CACNA2D3: variants seen among roughly 807,000 people sequenced by gnomAD.
The protein encoded by CACNA2D3 is calcium voltage-gated channel auxiliary subunit alpha2delta 3.
Under a neutral mutation model 160.6 loss-of-function variants are expected in CACNA2D3, and 60 were observed. That is an observed-to-expected ratio of 0.37 (90% CI 0.30 to 0.46). The LOEUF (loss-of-function observed/expected upper bound fraction) is 0.46, where lower values mean the gene tolerates loss of function less well. Ranked by LOEUF, CACNA2D3 falls within the 20% of genes least tolerant of loss-of-function variation. CACNA2D3 has a pLI of 1.00. For synonymous variants in CACNA2D3, 558 were observed against 492.9 expected (o/e 1.13, Z -1.75); for missense variants, 1,205 against 1,365.0 (o/e 0.88, Z 1.85).
At chr3:54,267,208 G>T (rs1438942870) in intron 2 of CACNA2D3, among the ~76,000 whole-genome samples, 1 of 152,152 alleles carries the variant, frequency 6.6e-6, no homozygotes, top group Non-Finnish European at 1.5e-5. Flanking sequence ...TTTGTACTCA[G>T]TGTGTTTCTA....
intron 3 of CACNA2D3, among the ~76,000 whole-genome samples, chr3:54,336,574 A>G (rs145846948): frequency 6.6e-6 from 1 of 152,370 alleles, no homozygotes; most frequent in Non-Finnish European, 1.5e-5. Flanking sequence ...AATTTACATT[A>G]TAACAAATAT....
At chr3:54,354,701 C>T (rs1029258830) in intron 3 of CACNA2D3, among the ~76,000 whole-genome samples, 2 of 152,198 alleles carry the variant, frequency 1.3e-5, no homozygotes, top group Non-Finnish European at 2.9e-5. Flanking sequence ...CATTCTACCT[C>T]GAGGCTGGAG....
chr3:54,906,753 T>C (rs1158541798), intron 27 of CACNA2D3, among the ~76,000 whole-genome samples: 1 of 152,224 alleles, frequency 6.6e-6, no homozygotes. Flanking sequence ...TTTGACATTT[T>C]TATTAAGCTA....
rs138592824 is a variant in CACNA2D3, at chr3:54,201,846, A to T, written c.204+78252A>T. Among the ~76,000 whole-genome samples, 210 of 152,354 alleles carry T rather than the reference A, an allele frequency of 1.4e-3. 1 individual carries two copies. The highest frequency in any genetic ancestry group is 4.6e-3 in the African/African-American group (190 of 41,586). On this transcript the variant is annotated intron_variant, in intron 2 of 37. Transcript: ENST00000474759. ...GGTATAAAAACAGGGAACTCATCCC[A>T]GCAATTCCTGACCCCTTGACCATAT...
chr3:54,422,065 T>TC (rs775925096), intron 4 of CACNA2D3, among the ~76,000 whole-genome samples: 142 of 152,352 alleles, frequency 9.3e-4, no homozygotes, highest in Non-Finnish European at 1.5e-3. Flanking sequence ...TTTTAATATA[T>TC]CCTTCGCTTC....
Position 54,901,260 on chromosome 3 carries a change from G to GAATTTTCT in CACNA2D3, c.2449+1392_2449+1393insAATTTTCT. 1.3e-5 allele frequency: 2 copies of GAATTTTCT among 152,300 alleles called. 1 individual carries two copies. The highest frequency in any genetic ancestry group is 3.9e-4 in the East Asian group (2 of 5,178). The allele number at this position is 152,300 out of a possible 1,614,324, so 9.4% of individuals were successfully genotyped here. On this transcript the variant is annotated intron_variant, in intron 27 of 37. Transcript: ENST00000474759. ...GTGACATGGTCTGGCCAGAATATCT[G>GAATTTTCT]GTTGTCTGTTTGAAATTTCTTTTTA...
intron 8 of CACNA2D3, among the ~76,000 whole-genome samples, chr3:54,577,378 G>A (rs994733723): frequency 6.6e-6 from 1 of 152,200 alleles, no homozygotes; most frequent in African/African-American, 2.4e-5. Context: ...GGGACAGTGT[G>A]TGGCCAGACA....
At chr3:54,482,857 C>A (rs6773944) in intron 4 of CACNA2D3, among the ~76,000 whole-genome samples, 7,214 of 152,214 alleles carry the variant, frequency 0.047, 241 homozygotes, top group Middle Eastern at 0.089. Context: ...AGACTCATAG[C>A]CCCCTCTCCT....
chr3:54,219,747 A>T (rs1043591883), intron 2 of CACNA2D3, among the ~76,000 whole-genome samples: 3 of 151,904 alleles, frequency 2.0e-5, no homozygotes, highest in African/African-American at 7.3e-5. Context: ...TTTGACATGG[A>T]TAGATGGTGT....
At chr3:54,766,431 C>T (rs973158431) in intron 13 of CACNA2D3, among the ~76,000 whole-genome samples, 1 of 152,030 alleles carries the variant, frequency 6.6e-6, no homozygotes, top group African/African-American at 2.4e-5. Context: ...CATTTCACAC[C>T]CATCAGAGTG....
chr3:54,564,867 A>G (rs1178040235), intron 6 of CACNA2D3, among the ~76,000 whole-genome samples: 1 of 152,184 alleles, frequency 6.6e-6, no homozygotes, highest in Non-Finnish European at 1.5e-5. Flanking sequence ...TGGCTCATGT[A>G]ATTTGAAATC....
chr3:54,196,147 C>G (rs1701075851), intron 2 of CACNA2D3, among the ~76,000 whole-genome samples: 1 of 152,196 alleles, frequency 6.6e-6, no homozygotes, highest in African/African-American at 2.4e-5. Flanking sequence ...ATCATTATGC[C>G]TAAGCATTTG....
intron 27 of CACNA2D3, among the ~76,000 whole-genome samples, chr3:54,944,008 G>A (rs1019588816): frequency 6.6e-6 from 1 of 152,104 alleles, no homozygotes; most frequent in Non-Finnish European, 1.5e-5. Flanking sequence ...CTAACCATTT[G>A]ACTGGCCATA....
At chr3:54,566,052 C>T (rs560495873) in intron 6 of CACNA2D3, among the ~76,000 whole-genome samples, 50 of 152,288 alleles carry the variant, frequency 3.3e-4, no homozygotes, top group African/African-American at 1.2e-3. Flanking sequence ...CTGTTGTCTC[C>T]CATCACACCA....
At chr3:54,276,476 G>T (rs143619275) in intron 2 of CACNA2D3, among the ~76,000 whole-genome samples, 1 of 151,970 alleles carries the variant, frequency 6.6e-6, no homozygotes, top group South Asian at 2.1e-4. Flanking sequence ...GGGAGGCTGA[G>T]GCAGGAGAAT....
At chr3:54,389,441 A>G (rs1413427467) in intron 4 of CACNA2D3, among the ~76,000 whole-genome samples, 3 of 152,236 alleles carry the variant, frequency 2.0e-5, no homozygotes, top group African/African-American at 7.2e-5. Flanking sequence ...AGTTTGGTGA[A>G]GAACAGGACA....
At chr3:54,625,102 C>A (rs1366561173) in intron 9 of CACNA2D3, among the ~76,000 whole-genome samples, 1 of 152,164 alleles carries the variant, frequency 6.6e-6, no homozygotes, top group East Asian at 1.9e-4. Context: ...TGGCTCCTGG[C>A]CCTGAGACTG....
At chr3:54,828,994 C>G (rs1305694520) in intron 14 of CACNA2D3, among the ~76,000 whole-genome samples, 1 of 152,206 alleles carries the variant, frequency 6.6e-6, no homozygotes, top group Non-Finnish European at 1.5e-5. Flanking sequence ...GTTTCTTATT[C>G]TAATTGTAAA....
chr3:54,885,449 T>TA (rs753920883), intron 22 of CACNA2D3, 40 bp from the exon 23 acceptor site: 2 of 1,600,994 alleles, frequency 1.2e-6, no homozygotes, highest in African/African-American at 1.3e-5. Context: ...ATGCTGTAAA[T>TA]ATTGACATGC....
Sources: allele counts gnomAD v4.1 joint callset (sites outside exome capture counted in the v4.1 genomes callset), GRCh38; gene constraint gnomAD v4.1.1; transcripts MANE v1.5; gene names NCBI Gene and HGNC (gene_info 2026-07-23, HGNC 2026-07-21).